SPTBN5: variants seen among roughly 807,000 people sequenced by gnomAD.
SPTBN5 encodes the protein spectrin beta chain, non-erythrocytic 5.
Under a neutral mutation model 477.6 loss-of-function variants are expected in SPTBN5, and 513 were observed. The observed-to-expected ratio is 1.07, with a 90% CI of 1.00 to 1.16. The LOEUF (loss-of-function observed/expected upper bound fraction) is 1.16, where lower values mean the gene tolerates loss of function less well. SPTBN5 is among the 50% of genes most tolerant of loss of function. The pLI is 0.00. For missense variants in SPTBN5, 5,062 were observed against 4,731.8 expected (o/e 1.07, Z -2.05); for synonymous variants, 2,169 against 2,011.7 (o/e 1.08, Z -2.09).
In SPTBN5 at chr15:41,851,763, A is replaced by G. The variant is rs751832312; in HGVS notation, c.10656+16T>C. ...AAGTGGGGAGCTGCCTGGAGAAGGA[A>G]TCTCCAGGCACTCACCTGCCTCCCG... On this transcript the variant is annotated intron_variant, in intron 63 of 67. Coordinates refer to ENST00000320955, the MANE Select transcript of SPTBN5 (RefSeq NM_016642.4). The G allele has an allele frequency of 1.5e-5, 23 of 1,585,710 alleles. No homozygotes were observed. Among genetic ancestry groups the G allele is most frequent in the Non-Finnish European group, 1.6e-5 (19 of 1,157,888 alleles).
In SPTBN5 at chr15:41,879,352, G is replaced by T; in HGVS notation, c.3090C>A (p.Ser1030Arg). 1 of 1,609,650 alleles carries T rather than the reference G, an allele frequency of 6.2e-7. No individual in the cohort carries two copies. ...GCAGGGCGTGGCAGGTGTCCTCTGAGCTCCCTGGCTGCAGGGCCTCCAGCT... is the reference window on the plus strand; with the variant it reads ...GCAGGGCGTGGCAGGTGTCCTCTGATCTCCCTGGCTGCAGGGCCTCCAGCT... ...LLQLEALQPG[S>R]SEDTCHALQL... Residue 1030 changes from serine (S) to arginine (R), a missense_variant, in exon 16 of 68, where the codon AGC becomes AGA. Transcript: ENST00000320955.
Position 41,886,484 on chromosome 15 carries a change from C to T in SPTBN5, c.889-118G>A, listed in dbSNP as rs1158174356. ...TAGCTACTTCTCTGAGCCAAAGATG[C>T]TTTGAAGTGGTGGTACCCCCACCCC... is the stretch of plus-strand genomic sequence containing the variant. On this transcript the variant is annotated intron_variant, in intron 6 of 67. Transcript: ENST00000320955. 2.5e-6 allele frequency: 3 copies of T among 1,198,626 alleles called. No individual in the cohort carries two copies. The East Asian group carries it at 7.6e-5, about 31-fold the overall frequency. 74.2% of individuals were successfully genotyped at this position (1,198,626 alleles called of 1,614,324 possible).
Position 41,876,898 on chromosome 15 carries a change from C to T in SPTBN5, c.3762G>A (p.Gly1254=), listed in dbSNP as rs1279519014. The T allele has an allele frequency of 6.2e-7, 1 of 1,610,340 alleles. No individual in the cohort carries two copies. Among genetic ancestry groups the T allele is most frequent in the East Asian group, 2.2e-5 (1 of 44,892 alleles). Reference sequence around the variant, plus strand: ...GAGGCCCCAGGGTGCTCAGGAGCCGCCCAAACTCCCGGTGCTGCTGCAGCA... The same window carrying T: ...GAGGCCCCAGGGTGCTCAGGAGCCGTCCAAACTCCCGGTGCTGCTGCAGCA... ...LSLLQQHREF[G]RLLSTLGPRA... The change falls in exon 19 of 68, where the codon GGG becomes GGA. Residue 1254 remains glycine (G), a synonymous_variant. Transcript: ENST00000320955.
rs750771644 is a variant in SPTBN5, at chr15:41,865,768, G to A, written c.6918+40C>T. On this transcript the variant is annotated intron_variant, in intron 39 of 67. Coordinates refer to ENST00000320955, the MANE Select transcript of SPTBN5 (RefSeq NM_016642.4). ...CTGCTCTCAGTTGGATTTTCAGTGC[G>A]GGATGCATGGCCAACCTCTACCCAG... The A allele has an allele frequency of 3.9e-5, 59 of 1,509,730 alleles. No individual in the cohort carries two copies. The South Asian group carries it at 5.6e-4, about 14-fold the overall frequency. 93.5% of individuals were successfully genotyped at this position (1,509,730 alleles called of 1,614,324 possible). A position where few individuals can be genotyped will look rare whatever the true frequency, so the allele number is the denominator to read the frequency against.
chr15:41,855,022 G>A, intron 55 of SPTBN5, 46 bp from the exon 56 acceptor site: 11 of 1,501,138 alleles, frequency 7.3e-6, no homozygotes, highest in Non-Finnish European at 9.8e-6. Context: ...ATGGTATCAT[G>A]AGCTCTCAAA....
chr15:41,849,714 A>G (rs2065685639), intron 67 of SPTBN5, among the ~76,000 whole-genome samples, 155 bp downstream of exon 67: 1 of 152,102 alleles, frequency 6.6e-6, no homozygotes, highest in African/African-American at 2.4e-5. Flanking sequence ...CTCTCAGCTG[A>G]GAGTGGGCAG....
In SPTBN5 at chr15:41,879,747, C is replaced by A. The variant is rs2066883187; in HGVS notation, c.2929G>T (p.Glu977Ter). The change falls in exon 15 of 68, where the codon GAA becomes TAA. Residue 977 changes from glutamate to a stop codon, truncating the protein, a stop_gained. Coordinates refer to ENST00000320955, the MANE Select transcript of SPTBN5 (RefSeq NM_016642.4). LOFTEE classifies it high-confidence loss of function. ...CCTCATTCTCACCTCTGGCTCAGTT[C>A]CTCCTGCTGTCGTTGGATTTGTGTG... ...NSTQIQRQQE[E>*]LSQRWGQLEA... 6.2e-7 allele frequency: 1 copy of A among 1,613,882 alleles called. No homozygotes were observed. Among genetic ancestry groups the A allele is most frequent in the African/African-American group, 1.3e-5 (1 of 75,056 alleles).
In SPTBN5 at chr15:41,852,620, G is replaced by C; in HGVS notation, c.10449+14C>G. The C allele has an allele frequency of 1.2e-6, 2 of 1,612,516 alleles. No homozygotes were observed. The highest frequency in any genetic ancestry group is 1.7e-6 in the Non-Finnish European group (2 of 1,179,110). On this transcript the variant is annotated intron_variant, in intron 61 of 67. Coordinates refer to ENST00000320955, the MANE Select transcript of SPTBN5 (RefSeq NM_016642.4). ...CCCCACCAGCCCTCAGCCCCTAGCC[G>C]AGGCAGTCGTCACCTCTGTCTTTTG...
At position 41,862,151 on chromosome 15, in the gene SPTBN5, T is replaced by C; in HGVS notation, c.7527A>G (p.Leu2509=). The C allele has an allele frequency of 2.5e-6, 4 of 1,593,442 alleles. No homozygotes were observed. Among genetic ancestry groups the C allele is most frequent in the Non-Finnish European group, 3.4e-6 (4 of 1,167,978 alleles). ...TCACCTTGCACTCCTGATGCTCTTCTAACATACGCCGGGCTTCCACAGGGC... is the reference window on the plus strand; with the variant it reads ...TCACCTTGCACTCCTGATGCTCTTCCAACATACGCCGGGCTTCCACAGGGC... The part of the protein sequence containing the change: ...PRSPVEARRM[L]EEHQECKAEL... The change falls in exon 44 of 68, where the codon TTA becomes TTG. Residue 2509 remains leucine (L), a synonymous_variant. Transcript: ENST00000320955.
intron 4 of SPTBN5, among the ~76,000 whole-genome samples, chr15:41,889,283 C>A (rs1010581620): frequency 2.6e-5 from 4 of 152,252 alleles, no homozygotes; most frequent in Non-Finnish European, 4.4e-5. Context: ...TCCAGGCCAT[C>A]CTGGACTTCT....
rs1277948790 is a variant in SPTBN5, at chr15:41,887,209, C to T, written c.888+4G>A. The T allele has an allele frequency of 1.3e-6, 2 of 1,551,396 alleles. No homozygotes were observed. The highest frequency in any genetic ancestry group is 1.7e-6 in the Non-Finnish European group (2 of 1,146,852). On this transcript the variant is annotated splice_donor_region_variant and intron_variant, in intron 6 of 67. Coordinates refer to ENST00000320955, the MANE Select transcript of SPTBN5 (RefSeq NM_016642.4). ...GCTCACCCCACCCCTCCTTTCTCCC[C>T]CACCTTAGTGAGTCTCCTCTGGACA...
At position 41,883,238 on chromosome 15, in the gene SPTBN5, G is replaced by A; in HGVS notation, c.1660-10C>T. On this transcript the variant is annotated splice_polypyrimidine_tract_variant and intron_variant, in intron 8 of 67. Coordinates refer to ENST00000320955, the MANE Select transcript of SPTBN5 (RefSeq NM_016642.4). ...TGGACCTGGCCGGCTCCTGGCCAGAGATGATGGTCATTGCAGTGGTCCCAA... is the reference window on the plus strand; with the variant it reads ...TGGACCTGGCCGGCTCCTGGCCAGAAATGATGGTCATTGCAGTGGTCCCAA... 1 of 1,608,298 alleles carries A rather than the reference G, an allele frequency of 6.2e-7. No individual in the cohort carries two copies. The highest frequency in any genetic ancestry group is 8.5e-7 in the Non-Finnish European group (1 of 1,177,424).
Position 41,875,342 on chromosome 15 carries a change from C to T in SPTBN5, c.4287+116G>A. On this transcript the variant is annotated intron_variant, in intron 22 of 67. Transcript: ENST00000320955. ...GCTCAGCTTGTCCTAGGCCAGAAGC[C>T]TCCAGAGGCTGCAGAGCCAGGGTCA... The T allele has an allele frequency of 3.1e-6, 4 of 1,303,228 alleles. No individual in the cohort carries two copies. The Admixed American group carries it at 7.4e-5, about 24-fold the overall frequency. 80.7% of individuals were successfully genotyped at this position (1,303,228 alleles called of 1,614,324 possible). A position where few individuals can be genotyped will look rare whatever the true frequency, so the allele number is the denominator to read the frequency against.
Position 41,893,901 on chromosome 15 carries a change from T to G in SPTBN5, c.-52A>C. 4.2e-6 allele frequency: 1 copy of G among 239,424 alleles called. No individual in the cohort carries two copies. The highest frequency in any genetic ancestry group is 9.6e-5 in the East Asian group (1 of 10,456). 14.8% of individuals were successfully genotyped at this position (239,424 alleles called of 1,614,324 possible). On this transcript the variant is annotated splice_region_variant and 5_prime_UTR_variant, in exon 1 of 68. Coordinates refer to ENST00000320955, the MANE Select transcript of SPTBN5 (RefSeq NM_016642.4). The stretch of plus-strand genomic sequence containing the variant: ...GGTAGATAGCAGGGGCTGCTTACCT[T>G]GGTGATGCCTGGGTTCCACAGAGGC...
rs1469093612 is a variant in SPTBN5, at chr15:41,858,971, C to T, written c.7998G>A (p.Ala2666=). ...GGCGGGTCCCGGCTTGCCTGAAGAG[C>T]GCCTCCTTCCTGCCAGGAGGAGAGG... ...RCQAMLLRKE[A]LFRQAGTRRH... is the part of the protein sequence containing the mutation. Residue 2666 remains alanine, a synonymous_variant, in exon 48 of 68, where the codon GCG becomes GCA. Transcript: ENST00000320955. 1.4e-5 allele frequency: 22 copies of T among 1,558,452 alleles called. No individual in the cohort carries two copies. The highest frequency in any genetic ancestry group is 5.6e-5 in the Admixed American group (3 of 53,392).
chr15:41,868,199 G>C lies in SPTBN5; in HGVS notation c.6077C>G (p.Ala2026Gly). Reference protein sequence around the residue: ...PTKEVQEELRALQDQRDQVYQ... With the variant: ...PTKEVQEELRGLQDQRDQVYQ... ...CACCTGGTCCCGCTGGTCCTGCAGG[G>C]CTCGAAGCTCTTCCTGGACCTGGGG... The change falls in exon 34 of 68, where the codon GCC (alanine) becomes GGC (glycine). Residue 2026 changes from alanine (A) to glycine (G), a missense_variant. Physicochemically the swap from Ala to Gly is moderately conservative, Grantham distance 60 (BLOSUM62 0). Coordinates refer to ENST00000320955, the MANE Select transcript of SPTBN5 (RefSeq NM_016642.4). The C allele has an allele frequency of 6.3e-7, 1 of 1,581,228 alleles. No individual in the cohort carries two copies. The highest frequency in any genetic ancestry group is 8.6e-7 in the Non-Finnish European group (1 of 1,163,786).
At position 41,863,720 on chromosome 15, in the gene SPTBN5, T is replaced by C. The variant is rs985183554; in HGVS notation, c.7133A>G (p.Lys2378Arg). 4 of 1,613,388 alleles carry C rather than the reference T, an allele frequency of 2.5e-6. No individual in the cohort carries two copies. In the South Asian group the frequency reaches 3.3e-5, roughly 13 times the overall value. Residue 2378 changes from lysine (K) to arginine (R), a missense_variant, in exon 41 of 68, where the codon AAG becomes AGG. By Grantham distance (26) the Lys-to-Arg change is conservative (BLOSUM62 2). Transcript: ENST00000320955. The stretch of plus-strand genomic sequence containing the variant: ...ACCACGTACCTTCTCCTGAATCCTC[T>C]TGGTGACATTGTCCAGCTCTCGGGA... ...VLSRELDNVT[K>R]RIQEKEALIQ...
At chr15:41,882,196 G>T in intron 11 of SPTBN5, 51 bp from the exon 12 acceptor site, 20 of 1,483,058 alleles carry the variant, frequency 1.3e-5, no homozygotes, top group Non-Finnish European at 1.8e-5. Context: ...GGCTGAGCGC[G>T]GGCAGGTGCT....
At chr15:41,871,316 C>G (rs1370158362) in intron 29 of SPTBN5, 59 bp downstream of exon 29, 3 of 1,356,272 alleles carry the variant, frequency 2.2e-6, no homozygotes, top group Non-Finnish European at 2.9e-6. Flanking sequence ...CACTCTGGGC[C>G]CTGCCTGCCC....
Sources: allele counts gnomAD v4.1 joint callset (sites outside exome capture counted in the v4.1 genomes callset), GRCh38; gene constraint gnomAD v4.1.1; transcripts MANE v1.5; gene names NCBI Gene and HGNC (gene_info 2026-07-23, HGNC 2026-07-21).